Variants in ANKS6 observed in about 807,000 individuals in gnomAD.
ANKS6 encodes ankyrin repeat and sterile alpha motif domain containing 6, also known as ankyrin repeat and SAM domain-containing protein 6.
A neutral mutation model predicts 77.9 loss-of-function variants in ANKS6; 47 were observed. That is an observed-to-expected ratio of 0.60 (90% CI 0.48 to 0.77). The LOEUF is 0.77. ANKS6 is among the 30% of genes least tolerant of loss of function. ANKS6 has a pLI of 0.00. For synonymous variants in ANKS6, 488 were observed against 501.7 expected, an observed-to-expected ratio of 0.97 and a Z score of 0.37; for missense variants, 1,150 against 1,159.1, an observed-to-expected ratio of 0.99 and a Z score of 0.11.
Position 98,732,585 on chromosome 9 carries a change from G to A in ANKS6, c.*3934C>T. The A allele has an allele frequency of 6.4e-7, 1 of 1,550,440 alleles. No individual in the cohort carries two copies. Among genetic ancestry groups the A allele is most frequent in the Non-Finnish European group, 8.7e-7 (1 of 1,146,968 alleles). Reference sequence around the variant, plus strand: ...CAGGGCAGAAGGGAGAGAAGAAAGAGAGATGAGAGATGAAAGGATTTAAAA... The same window carrying A: ...CAGGGCAGAAGGGAGAGAAGAAAGAAAGATGAGAGATGAAAGGATTTAAAA... On this transcript the variant is annotated 3_prime_UTR_variant, in exon 15 of 15. Coordinates refer to ENST00000353234, the MANE Select transcript of ANKS6 (RefSeq NM_173551.5).
At position 98,751,094 on chromosome 9, in the gene ANKS6, C is replaced by T. The variant is rs1832404947; in HGVS notation, c.2329G>A (p.Glu777Lys). ...AATTTCTTAAGGATTCCAGTCAGTTCATCTTCAAGATGGAAAGGTGAAAAA... is the reference window on the plus strand; with the variant it reads ...AATTTCTTAAGGATTCCAGTCAGTTTATCTTCAAGATGGAAAGGTGAAAAA... Reference protein sequence around the residue: ...SSSGTITDEDELTGILKKLSL... With the variant: ...SSSGTITDEDKLTGILKKLSL... The change falls in exon 13 of 15, where the codon GAA becomes AAA. Residue 777 changes from glutamate (E) to lysine (K), a missense_variant and splice_region_variant. Physicochemically the swap from Glu to Lys is moderately conservative, Grantham distance 56. Coordinates refer to ENST00000353234, the MANE Select transcript of ANKS6 (RefSeq NM_173551.5). 1 of 1,603,216 alleles carries T rather than the reference C, an allele frequency of 6.2e-7. No individual in the cohort carries two copies. Among genetic ancestry groups the T allele is most frequent in the African/African-American group, 1.3e-5 (1 of 74,404 alleles).
At chr9:98,737,070 G>A (rs1334281326) in intron 14 of ANKS6, among the ~76,000 whole-genome samples, 7 of 152,098 alleles carry the variant, frequency 4.6e-5, no homozygotes, top group Admixed American at 6.6e-5. Context: ...AAAAGCTGCC[G>A]GATTTGTCTT....
rs1834022625 is a variant in ANKS6 at position 98,778,231 on chromosome 9, T to A, written c.1562A>T (p.Asp521Val). 6.2e-7 allele frequency: 1 copy of A among 1,614,034 alleles called. No individual in the cohort carries two copies. Among genetic ancestry groups the A allele is most frequent in the South Asian group, 1.1e-5 (1 of 91,076 alleles). ...CACATGCAGACTTTTCTCACCATTG[T>A]CTTTGGTCACAGGGGCCGCATCAGG... ...ALPDAAPVTK[D>V]NGPGSTRGEK... The change falls in exon 7 of 15, where the codon GAC becomes GTC. Residue 521 changes from aspartate to valine, a missense_variant. Physicochemically the swap from Asp to Val is radical, Grantham distance 152. Transcript: ENST00000353234.
At position 98,733,184 on chromosome 9, in the gene ANKS6, A is replaced by G. The variant is rs923989254; in HGVS notation, c.*3335T>C. The G allele has an allele frequency of 1.0e-6, 1 of 983,836 alleles. No homozygotes were observed. The highest frequency in any genetic ancestry group is 1.2e-6 in the Non-Finnish European group (1 of 828,470). 60.9% of individuals were successfully genotyped at this position (983,836 alleles called of 1,614,324 possible). A position where few individuals can be genotyped will look rare whatever the true frequency, so the allele number is the denominator to read the frequency against. On this transcript the variant is annotated 3_prime_UTR_variant, in exon 15 of 15. Coordinates refer to ENST00000353234, the MANE Select transcript of ANKS6 (RefSeq NM_173551.5). ...TAGGGCTGGCACAGGGTAGATGCTC[A>G]GTAAACGTTCGGTAAACAAAAGAAT...
intron 11 of ANKS6, among the ~76,000 whole-genome samples, chr9:98,767,598 T>C (rs1833372095): frequency 1.3e-5 from 2 of 152,146 alleles, no homozygotes; most frequent in Admixed American, 6.5e-5. Context: ...CCAGGATGTA[T>C]ACAGTGGATG....
rs1315114635 is a variant in ANKS6, at chr9:98,736,045, G to T, written c.*474C>A. ...GTTGTTGCTGGGAAGCCACTATGTG[G>T]AGACTGCACATCCTGGCCTCCTCTG... On this transcript the variant is annotated 3_prime_UTR_variant, in exon 15 of 15. Coordinates refer to ENST00000353234, the MANE Select transcript of ANKS6 (RefSeq NM_173551.5). The T allele has an allele frequency of 8.4e-7, 1 of 1,191,984 alleles. No homozygotes were observed. The highest frequency in any genetic ancestry group is 3.7e-5 in the East Asian group (1 of 27,224). 73.8% of individuals were successfully genotyped at this position (1,191,984 alleles called of 1,614,324 possible). A position where few individuals can be genotyped will look rare whatever the true frequency, so the allele number is the denominator to read the frequency against.
chr9:98,793,665 T>G (rs377539491), intron 1 of ANKS6, among the ~76,000 whole-genome samples: 1 of 151,486 alleles, frequency 6.6e-6, no homozygotes, highest in African/African-American at 2.4e-5. Flanking sequence ...GGACTACAGG[T>G]GCGTGCCACC....
Position 98,732,150 on chromosome 9 carries a change from CCT to C in ANKS6, c.*4367_*4368del. 3.1e-6 allele frequency: 1 copy of C among 321,744 alleles called. No individual in the cohort carries two copies. The highest frequency in any genetic ancestry group is 4.4e-5 in the South Asian group (1 of 22,914). 19.9% of individuals were successfully genotyped at this position (321,744 alleles called of 1,614,324 possible). A position where few individuals can be genotyped will look rare whatever the true frequency, so the allele number is the denominator to read the frequency against. On this transcript the variant is annotated 3_prime_UTR_variant, in exon 15 of 15. Coordinates refer to ENST00000353234, the MANE Select transcript of ANKS6 (RefSeq NM_173551.5). ...GACAGGATGGTGCTTCACAGTGCCT[CCT>C]GCTGATGGCACCTTCATTCTGGCTG...
Position 98,751,406 on chromosome 9 carries a change from T to C in ANKS6, c.2327-310A>G, listed in dbSNP as rs545155457. On this transcript the variant is annotated intron_variant, in intron 12 of 14. Coordinates refer to ENST00000353234, the MANE Select transcript of ANKS6 (RefSeq NM_173551.5). ...ACTGCGACCCTCAAGTTCTGGAAGT[T>C]CCAGCTGCCAGAACTAAAACTCTGC... 2.0e-5 allele frequency among the ~76,000 whole-genome samples: 3 copies of C among 152,322 alleles called. No individual in the cohort carries two copies. The East Asian group carries it at 5.8e-4, about 29-fold the overall frequency.
At chr9:98,763,491 T>A (rs143127831) in intron 11 of ANKS6, among the ~76,000 whole-genome samples, 1 of 151,974 alleles carries the variant, frequency 6.6e-6, no homozygotes, top group African/African-American at 2.4e-5. Context: ...AAGCATCACA[T>A]AGAGGTAAAT....
intron 8 of ANKS6, among the ~76,000 whole-genome samples, chr9:98,776,161 G>A (rs1588391219): frequency 6.6e-6 from 1 of 152,150 alleles, no homozygotes; most frequent in Non-Finnish European, 1.5e-5. Context: ...TTCACACCAC[G>A]GAGCTTATTC....
intron 4 of ANKS6, 40 bp from the exon 5 acceptor site, chr9:98,782,613 G>C (rs1176114236): frequency 1.3e-6 from 2 of 1,550,692 alleles, no homozygotes; most frequent in Non-Finnish European, 1.8e-6. Flanking sequence ...TGAAAGCAAA[G>C]GCATGGCTTT....
intron 11 of ANKS6, among the ~76,000 whole-genome samples, chr9:98,766,291 G>A (rs1833283062): frequency 6.6e-6 from 1 of 151,998 alleles, no homozygotes; most frequent in Non-Finnish European, 1.5e-5. Context: ...ATATAATAGA[G>A]AATAGTTAAT....
At chr9:98,774,659 C>G (rs1833830285) in intron 8 of ANKS6, among the ~76,000 whole-genome samples, 7 of 152,176 alleles carry the variant, frequency 4.6e-5, no homozygotes, top group Admixed American at 4.6e-4. Context: ...CCCCAGCCCC[C>G]CACATCCCAG....
intron 2 of ANKS6, among the ~76,000 whole-genome samples, chr9:98,789,740 AAC>A (rs1189658002): frequency 6.6e-6 from 1 of 152,196 alleles, no homozygotes; most frequent in Non-Finnish European, 1.5e-5. Flanking sequence ...CTGTAGTTTT[AAC>A]AGAGACTGTA....
intron 11 of ANKS6, among the ~76,000 whole-genome samples, chr9:98,759,492 C>T (rs758947306): frequency 6.6e-6 from 1 of 152,224 alleles, no homozygotes; most frequent in African/African-American, 2.4e-5. Flanking sequence ...ACTGCCCCCA[C>T]TTCAGATGCC....
intron 12 of ANKS6, 46 bp from the exon 13 acceptor site, chr9:98,751,142 G>A: frequency 2.0e-6 from 3 of 1,480,478 alleles, no homozygotes; most frequent in Admixed American, 1.9e-5. Flanking sequence ...TTTAGAATTT[G>A]GTAAAGTGGT....
In ANKS6 at chr9:98,784,069, T is replaced by C. The variant is rs921372305; in HGVS notation, c.996A>G (p.Leu332=). The C allele has an allele frequency of 9.3e-6, 15 of 1,610,588 alleles. No homozygotes were observed. Among genetic ancestry groups the C allele is most frequent in the African/African-American group, 4.0e-5 (3 of 74,824 alleles). ...VNGDGATPLM[L]AAVTGQLALV... ...GAGCCAGCTGCCCCGTAACAGCTGCTAGCATCAGTGGCGTCGCCCCGTCCC... is the reference window on the plus strand; with the variant it reads ...GAGCCAGCTGCCCCGTAACAGCTGCCAGCATCAGTGGCGTCGCCCCGTCCC... Residue 332 remains leucine, a synonymous_variant, in exon 4 of 15, where the codon CTA becomes CTG. Coordinates refer to ENST00000353234, the MANE Select transcript of ANKS6 (RefSeq NM_173551.5).
rs1422276180 is a variant in ANKS6, at chr9:98,770,914, C to A, written c.1954G>T (p.Glu652Ter). 1 of 1,530,902 alleles carries A rather than the reference C, an allele frequency of 6.5e-7. No homozygotes were observed. Among genetic ancestry groups the A allele is most frequent in the Non-Finnish European group, 8.8e-7 (1 of 1,135,650 alleles). The allele number at this position is 1,530,902 out of a possible 1,614,324, so 94.8% of individuals were successfully genotyped here. The change falls in exon 10 of 15, where the codon GAG becomes TAG. Residue 652 changes from glutamate (E) to a stop codon, truncating the protein, a stop_gained. Transcript: ENST00000353234. LOFTEE classifies it high-confidence loss of function. ...TACTCACCTGAGCGGTTAAGCAGCT[C>A]CCCACCGTGCCGGCTCACACCTACC... ...SGVGVSRHGG[E>*]LLNRSGGSID...
Sources: allele counts gnomAD v4.1 joint callset (sites outside exome capture counted in the v4.1 genomes callset), GRCh38; gene constraint gnomAD v4.1.1; transcripts MANE v1.5; gene names NCBI Gene and HGNC (gene_info 2026-07-23, HGNC 2026-07-21).